The following CA10 variants were observed in gnomAD, a reference collection of about 807,000 sequenced individuals.
The protein encoded by CA10 is carbonic anhydrase 10 (inactive), also known as carbonic anhydrase-related protein 10.
CA10 carries 14 observed loss-of-function variants against 44.2 expected under a neutral mutation model. The observed-to-expected ratio is 0.32, with a 90% confidence interval of 0.21 to 0.50. The LOEUF (loss-of-function observed/expected upper bound fraction) is 0.50. CA10 is among the 20% of genes least tolerant of loss of function. The pLI is 0.99. For missense variants in CA10, 350 were observed against 409.7 expected, an observed-to-expected ratio of 0.85 and a Z score of 1.26; for synonymous variants, 159 against 141.6, an observed-to-expected ratio of 1.12 and a Z score of -0.87.
chr17:51,882,066 C>CAA (rs57495108), intron 3 of CA10, among the ~76,000 whole-genome samples: 22 of 82,140 alleles, frequency 2.7e-4, no homozygotes, highest in Non-Finnish European at 3.4e-4. Context: ...GCAGTGGCAA[C>CAA]AAAAAAAAAA....
intron 3 of CA10, among the ~76,000 whole-genome samples, chr17:51,921,271 T>G (rs1183800741): frequency 6.6e-6 from 1 of 152,148 alleles, no homozygotes. Context: ...CAAGTACCCC[T>G]CAGTGCCCAT....
intron 1 of CA10, among the ~76,000 whole-genome samples, chr17:52,127,663 G>T (rs1326279795): frequency 1.3e-5 from 2 of 152,168 alleles, no homozygotes; most frequent in Non-Finnish European, 2.9e-5. Context: ...CATACATTCA[G>T]TAGGTAAATC....
intron 1 of CA10, among the ~76,000 whole-genome samples, chr17:52,081,485 G>T (rs575940275): frequency 1.3e-5 from 2 of 152,178 alleles, no homozygotes; most frequent in Non-Finnish European, 2.9e-5. Flanking sequence ...GGCAGTGCTG[G>T]TGAAAATAGA....
intron 3 of CA10, among the ~76,000 whole-genome samples, chr17:51,865,727 A>G (rs1347427353): frequency 6.6e-6 from 1 of 152,270 alleles, no homozygotes; most frequent in Non-Finnish European, 1.5e-5. Flanking sequence ...CATCAGTGCT[A>G]GAGCTAAGCT....
At chr17:51,696,346 T>C (rs1738194327) in intron 4 of CA10, among the ~76,000 whole-genome samples, 1 of 152,170 alleles carries the variant, frequency 6.6e-6, no homozygotes. Context: ...TTTTGGAACT[T>C]AATATTGGTC....
chr17:51,889,008 G>GAA (rs1387023286), intron 3 of CA10, among the ~76,000 whole-genome samples: 7 of 152,110 alleles, frequency 4.6e-5, no homozygotes, highest in African/African-American at 1.7e-4. Flanking sequence ...CTTAGAAGTT[G>GAA]GCCGGGAGCT....
chr17:52,148,548 C>T (rs1051465748), intron 1 of CA10, among the ~76,000 whole-genome samples: 8 of 152,202 alleles, frequency 5.3e-5, no homozygotes, highest in Admixed American at 3.3e-4. Flanking sequence ...ACTCTGCACA[C>T]TCAAAAACCT....
intron 1 of CA10, among the ~76,000 whole-genome samples, chr17:52,152,826 G>A (rs893251240): frequency 6.6e-6 from 1 of 152,060 alleles, no homozygotes; most frequent in African/African-American, 2.4e-5. Context: ...CCTCAGCAAT[G>A]CTTTGAAATA....
chr17:51,820,266 T>G (rs930272453), intron 3 of CA10, among the ~76,000 whole-genome samples: 1 of 139,140 alleles, frequency 7.2e-6, no homozygotes, highest in Non-Finnish European at 1.5e-5. Context: ...CCCACTCCAA[T>G]GCGTTCTTTT....
intron 3 of CA10, among the ~76,000 whole-genome samples, chr17:51,774,468 C>A (rs1019694770): frequency 2.0e-5 from 3 of 150,166 alleles, no homozygotes; most frequent in Non-Finnish European, 4.4e-5. Context: ...GAGGTGGAGT[C>A]TCGCTCTGTT....
intron 3 of CA10, among the ~76,000 whole-genome samples, chr17:51,802,371 T>C (rs956687441): frequency 2.0e-5 from 3 of 152,046 alleles, no homozygotes; most frequent in African/African-American, 7.2e-5. Context: ...AAGAGCTCAC[T>C]CTGCCATGCA....
At chr17:52,006,853 C>T (rs1178693841) in intron 2 of CA10, among the ~76,000 whole-genome samples, 1 of 151,716 alleles carries the variant, frequency 6.6e-6, no homozygotes, top group Admixed American at 6.6e-5. Context: ...GTTGATTAAT[C>T]TGAGATTAAT....
intron 2 of CA10, among the ~76,000 whole-genome samples, chr17:51,942,191 T>C (rs1983104580): frequency 6.6e-6 from 1 of 152,120 alleles, no homozygotes; most frequent in Non-Finnish European, 1.5e-5. Context: ...TTTATGTGTA[T>C]GTAGGGTATT....
At chr17:51,747,842 C>A in intron 3 of CA10, 24 bp from the exon 4 acceptor site, 2 of 1,577,334 alleles carry the variant, frequency 1.3e-6, no homozygotes, top group South Asian at 2.3e-5. Flanking sequence ...AGCAACAGGT[C>A]AAGCAAGGCC....
intron 1 of CA10, among the ~76,000 whole-genome samples, chr17:52,088,671 T>C (rs897230121): frequency 1.3e-4 from 20 of 152,170 alleles, no homozygotes; most frequent in African/African-American, 4.8e-4. Flanking sequence ...CAAAGGAAAA[T>C]GCACTTCAAA....
intron 3 of CA10, among the ~76,000 whole-genome samples, chr17:51,891,231 G>A (rs1980843278): frequency 6.6e-6 from 1 of 152,240 alleles, no homozygotes; most frequent in South Asian, 2.1e-4. Context: ...TGATTGGGAG[G>A]GGTTGTTGGT....
rs1367352131 is a variant in CA10 at position 52,072,419 on chromosome 17, T to C, written c.62-26A>G. 7 of 1,548,206 alleles carry C rather than the reference T, an allele frequency of 4.5e-6. No individual in the cohort carries two copies. The South Asian group carries it at 7.8e-5, about 17-fold the overall frequency. ...CTAAAGGAAAAGCAAAGAAGAGAGA[T>C]TAAGATGATAGCAGAGAAGCACTGT... On this transcript the variant is annotated intron_variant, in intron 1 of 8. Transcript: ENST00000451037.
At chr17:51,854,600 A>C (rs1978954430) in intron 3 of CA10, among the ~76,000 whole-genome samples, 1 of 152,230 alleles carries the variant, frequency 6.6e-6, no homozygotes, top group Non-Finnish European at 1.5e-5. Context: ...TGAGTTCTGC[A>C]CAAGTCATCA....
intron 2 of CA10, among the ~76,000 whole-genome samples, chr17:51,995,790 A>G (rs1985214289): frequency 6.6e-6 from 1 of 152,078 alleles, no homozygotes; most frequent in East Asian, 1.9e-4. Context: ...AAACTTTTCC[A>G]GTGGCTGACT....
Sources: allele counts gnomAD v4.1 joint callset (sites outside exome capture counted in the v4.1 genomes callset), GRCh38; gene constraint gnomAD v4.1.1; transcripts MANE v1.5; gene names NCBI Gene and HGNC (gene_info 2026-07-23, HGNC 2026-07-21).